The following TADA2A variants were observed in gnomAD, a reference collection of about 807,000 sequenced individuals.
The protein encoded by TADA2A is transcriptional adapter 2-alpha.
Under a neutral mutation model 67.4 loss-of-function variants are expected in TADA2A, and 38 were observed. That is an observed-to-expected ratio of 0.56 (90% CI 0.44 to 0.74). The LOEUF (loss-of-function observed/expected upper bound fraction) is 0.74, where lower values mean the gene tolerates loss of function less well. Among genes scored for constraint, TADA2A ranks in the 30% least tolerant of loss-of-function variants. The pLI is 0.00. For synonymous variants in TADA2A, 192 were observed against 181.6 expected, an observed-to-expected ratio of 1.06 and a Z score of -0.46; for missense variants, 454 against 547.0, an observed-to-expected ratio of 0.83 and a Z score of 1.70.
chr17:37,444,408 C>G (rs2147979915), intron 7 of TADA2A, among the ~76,000 whole-genome samples: 1 of 152,190 alleles, frequency 6.6e-6, no homozygotes, highest in Middle Eastern at 3.4e-3. Context: ...GTGCATGCTA[C>G]TGTGCCCAGC....
intron 9 of TADA2A, among the ~76,000 whole-genome samples, chr17:37,460,785 A>G (rs867314375): frequency 6.6e-6 from 1 of 152,144 alleles, no homozygotes; most frequent in Middle Eastern, 3.2e-3. Flanking sequence ...ATGTGTAGGC[A>G]TGTATTTACT....
intron 5 of TADA2A, among the ~76,000 whole-genome samples, chr17:37,438,812 C>G (rs1159410625): frequency 1.3e-5 from 2 of 152,306 alleles, no homozygotes; most frequent in East Asian, 3.9e-4. Context: ...CTAAAATAGT[C>G]TAAACCTCTC....
At chr17:37,420,773 G>A (rs2052207972) in intron 2 of TADA2A, among the ~76,000 whole-genome samples, 1 of 146,646 alleles carries the variant, frequency 6.8e-6, no homozygotes. Flanking sequence ...AACATTTCTT[G>A]GACTTTAGGG....
intron 14 of TADA2A, among the ~76,000 whole-genome samples, chr17:37,472,414 A>AT (rs757168101): frequency 1.3e-5 from 2 of 151,640 alleles, no homozygotes; most frequent in Admixed American, 1.3e-4. Flanking sequence ...ATTTCAAGTG[A>AT]TTTTTTCTTA....
chr17:37,433,109 A>G (rs776112332), intron 4 of TADA2A, among the ~76,000 whole-genome samples: 1 of 150,386 alleles, frequency 6.6e-6, no homozygotes, highest in African/African-American at 2.4e-5. Flanking sequence ...TATTTTTTAA[A>G]TTTTCTTCTT....
intron 11 of TADA2A, among the ~76,000 whole-genome samples, chr17:37,465,811 T>C (rs1323807861): frequency 6.6e-6 from 1 of 152,064 alleles, no homozygotes; most frequent in African/African-American, 2.4e-5. Flanking sequence ...CAAATATATA[T>C]AGAAGTAGAG....
intron 5 of TADA2A, chr17:37,438,102 C>T: frequency 3.2e-6 from 1 of 317,316 alleles, no homozygotes; most frequent in Non-Finnish European, 5.8e-6. Flanking sequence ...TTATTCCTTT[C>T]TGAATAGTAG....
chr17:37,407,714 G>T (rs2051647538), intron 1 of TADA2A, among the ~76,000 whole-genome samples: 1 of 151,906 alleles, frequency 6.6e-6, no homozygotes, highest in Non-Finnish European at 1.5e-5. Context: ...CCAGGCTCAA[G>T]CGATTCTCGT....
At chr17:37,410,190 T>A (rs1161366464) in intron 1 of TADA2A, among the ~76,000 whole-genome samples, 9 of 150,886 alleles carry the variant, frequency 6.0e-5, no homozygotes, top group Admixed American at 6.6e-5. Context: ...AGACTGTGTC[T>A]CCAAAAAAAA....
At chr17:37,464,263 TGTA>T (rs1419638093) in intron 10 of TADA2A, among the ~76,000 whole-genome samples, 1 of 152,162 alleles carries the variant, frequency 6.6e-6, no homozygotes, top group Non-Finnish European at 1.5e-5. Context: ...TAAATTAAGT[TGTA>T]GTAGTTAATT....
At chr17:37,415,868 C>G (rs988018894) in intron 2 of TADA2A, among the ~76,000 whole-genome samples, 9 of 125,656 alleles carry the variant, frequency 7.2e-5, no homozygotes, top group Admixed American at 5.6e-4. Context: ...GAGTGAAACT[C>G]CTTCTCAAAA....
chr17:37,429,983 C>A (rs1186731083), intron 4 of TADA2A, among the ~76,000 whole-genome samples: 1 of 152,162 alleles, frequency 6.6e-6, no homozygotes, highest in African/African-American at 2.4e-5. Flanking sequence ...TTATTTTTCC[C>A]AAATTAATGC....
chr17:37,415,067 A>G (rs12602869), intron 2 of TADA2A, among the ~76,000 whole-genome samples: 19,727 of 151,538 alleles, frequency 0.13, 1,468 homozygotes, highest in East Asian at 0.26. Context: ...TAATTTTTGT[A>G]TACGGGATTT....
At chr17:37,415,801 G>A (rs2052023674) in intron 2 of TADA2A, among the ~76,000 whole-genome samples, 1 of 149,618 alleles carries the variant, frequency 6.7e-6, no homozygotes, top group Non-Finnish European at 1.5e-5. Flanking sequence ...TTGAACCTGG[G>A]ATGCAGAGGT....
At chr17:37,434,218 A>G (rs940638323) in intron 4 of TADA2A, among the ~76,000 whole-genome samples, 3 of 152,168 alleles carry the variant, frequency 2.0e-5, no homozygotes, top group Non-Finnish European at 4.4e-5. Flanking sequence ...ATATTTTATC[A>G]TGATTAGATT....
chr17:37,451,826 A>C (rs1173470072), intron 8 of TADA2A, among the ~76,000 whole-genome samples: 1 of 151,896 alleles, frequency 6.6e-6, no homozygotes, highest in Non-Finnish European at 1.5e-5. Flanking sequence ...TCTACTAAAA[A>C]TACAAAAATT....
chr17:37,414,500 A>C (rs1046388750), intron 2 of TADA2A, among the ~76,000 whole-genome samples: 1 of 152,150 alleles, frequency 6.6e-6, no homozygotes, highest in Non-Finnish European at 1.5e-5. Flanking sequence ...AGAGACCGAG[A>C]TCTTTTCATC....
At chr17:37,418,514 G>T (rs1252305042) in intron 2 of TADA2A, among the ~76,000 whole-genome samples, 3 of 152,052 alleles carry the variant, frequency 2.0e-5, no homozygotes, top group Non-Finnish European at 4.4e-5. Flanking sequence ...AACAAGGAAG[G>T]TCAATGTGTA....
chr17:37,438,025 T>C (rs867360991), intron 5 of TADA2A, 196 bp downstream of exon 5: 2 of 577,598 alleles, frequency 3.5e-6, no homozygotes, highest in Middle Eastern at 4.1e-4. Flanking sequence ...ATGGGATGTT[T>C]AGCGGTCCAT....
Sources: gnomAD v4.1 joint callset for allele counts (sites outside exome capture counted in the v4.1 genomes callset) on GRCh38, gnomAD v4.1.1 for gene constraint, MANE v1.5 for transcripts, NCBI Gene and HGNC (gene_info 2026-07-23, HGNC 2026-07-21) for gene names.